ZNF536: variants seen among roughly 807,000 people sequenced by gnomAD.
ZNF536 encodes the protein zinc finger protein 536.
Under a neutral mutation model 84.5 loss-of-function variants are expected in ZNF536, and 13 were observed. The ratio of observed to expected loss-of-function variants is 0.15; its 90% CI spans 0.10 to 0.24. The LOEUF is 0.24. Among genes scored for constraint, ZNF536 ranks in the 10% least tolerant of loss-of-function variants. ZNF536 has a pLI of 1.00. For missense variants in ZNF536, 1,536 were observed against 1,747.5 expected (o/e 0.88, Z 2.16); for synonymous variants, 811 against 742.5 (o/e 1.09, Z -1.50).
intron 1 of ZNF536, among the ~76,000 whole-genome samples, chr19:30,680,791 T>C (rs2050938595): frequency 6.6e-6 from 1 of 152,136 alleles, no homozygotes; most frequent in Admixed American, 6.5e-5. Context: ...CTGGGTCAAA[T>C]GGTATTTCTA....
chr19:30,683,709 AG>A (rs1272045072), intron 1 of ZNF536, among the ~76,000 whole-genome samples: 1 of 152,248 alleles, frequency 6.6e-6, no homozygotes, highest in Non-Finnish European at 1.5e-5. Context: ...CAGGAACCAA[AG>A]AAGCGTGTGG....
At chr19:30,579,666 G>A (rs1169751061) in intron 1 of ZNF536, among the ~76,000 whole-genome samples, 1 of 152,190 alleles carries the variant, frequency 6.6e-6, no homozygotes, top group African/African-American at 2.4e-5. Context: ...GGATGAAGGA[G>A]GCATGAGCCT....
chr19:30,237,695 A>G (rs2023638705), intron 1 of ZNF536, among the ~76,000 whole-genome samples: 2 of 151,746 alleles, frequency 1.3e-5, no homozygotes. Context: ...CTTTGTGTGC[A>G]TTTTGTTTGC....
intron 1 of ZNF536, among the ~76,000 whole-genome samples, chr19:30,373,065 A>G (rs2048672066): frequency 6.6e-6 from 1 of 152,224 alleles, no homozygotes; most frequent in South Asian, 2.1e-4. Context: ...CATCGGGATC[A>G]CCATGCTGAT....
intron 4 of ZNF536, among the ~76,000 whole-genome samples, chr19:30,551,337 C>T (rs1045052290): frequency 6.6e-6 from 1 of 152,142 alleles, no homozygotes; most frequent in Non-Finnish European, 1.5e-5. Flanking sequence ...GAAGTTTGCC[C>T]AGTGGTATCC....
At chr19:30,623,754 T>C (rs2048573387) in intron 1 of ZNF536, among the ~76,000 whole-genome samples, 1 of 152,328 alleles carries the variant, frequency 6.6e-6, no homozygotes, top group African/African-American at 2.4e-5. Flanking sequence ...GCTTAGTTTG[T>C]CTCCAGGCCT....
intron 2 of ZNF536, among the ~76,000 whole-genome samples, chr19:30,522,854 A>G (rs4805574): frequency 0.12 from 17,536 of 152,202 alleles, 1,261 homozygotes; most frequent in East Asian, 0.3. Flanking sequence ...ATTTGTGTTT[A>G]TACATGCACA....
At chr19:30,473,632 A>G (rs1375083358) in intron 2 of ZNF536, among the ~76,000 whole-genome samples, 1 of 152,164 alleles carries the variant, frequency 6.6e-6, no homozygotes, top group Non-Finnish European at 1.5e-5. Context: ...TTACACATGC[A>G]ATTTGTTCAC....
intron 1 of ZNF536, among the ~76,000 whole-genome samples, chr19:30,415,761 C>T (rs2147777900): frequency 1.3e-5 from 2 of 152,234 alleles, no homozygotes; most frequent in East Asian, 3.9e-4. Context: ...CAGGTGCCCA[C>T]CACCGTGCCC....
intron 1 of ZNF536, among the ~76,000 whole-genome samples, chr19:30,406,164 T>G (rs781588897): frequency 6.6e-6 from 1 of 152,220 alleles, no homozygotes; most frequent in Non-Finnish European, 1.5e-5. Flanking sequence ...CATTGTTCCA[T>G]GTGCAGGGCA....
chr19:30,629,147 G>T (rs1342061119), intron 1 of ZNF536, among the ~76,000 whole-genome samples: 7 of 152,190 alleles, frequency 4.6e-5, no homozygotes, highest in Non-Finnish European at 7.3e-5. Flanking sequence ...ATCACTGAAG[G>T]CTTGCTCAGT....
At chr19:30,413,328 C>A (rs1345301419) in intron 1 of ZNF536, among the ~76,000 whole-genome samples, 1 of 152,140 alleles carries the variant, frequency 6.6e-6, no homozygotes, top group Non-Finnish European at 1.5e-5. Flanking sequence ...GTTTTCAATT[C>A]TTTTCACTTT....
chr19:30,430,551 A>T (rs1402600893), intron 1 of ZNF536, among the ~76,000 whole-genome samples: 1 of 152,220 alleles, frequency 6.6e-6, no homozygotes, highest in Non-Finnish European at 1.5e-5. Context: ...CATATCAGGG[A>T]GGGCTTCCTG....
At chr19:30,518,264 C>T (rs73024814) in intron 2 of ZNF536, among the ~76,000 whole-genome samples, 14,784 of 152,178 alleles carry the variant, frequency 0.097, 991 homozygotes, top group Non-Finnish European at 0.15. Flanking sequence ...CAAGCACTTA[C>T]GAAGGGTAGC....
intron 1 of ZNF536, among the ~76,000 whole-genome samples, chr19:30,568,720 C>G (rs990277046): frequency 6.6e-6 from 1 of 152,216 alleles, no homozygotes; most frequent in African/African-American, 2.4e-5. Context: ...CCCAGCCATG[C>G]TCTGGGGCAG....
intron 3 of ZNF536, among the ~76,000 whole-genome samples, chr19:30,536,523 T>C (rs903721660): frequency 3.3e-5 from 5 of 152,206 alleles, no homozygotes; most frequent in African/African-American, 1.2e-4. Context: ...ATCTTTTGAA[T>C]TGCTGTCATT....
At chr19:30,677,999 T>C (rs1323506884) in intron 1 of ZNF536, among the ~76,000 whole-genome samples, 2 of 152,216 alleles carry the variant, frequency 1.3e-5, no homozygotes, top group African/African-American at 2.4e-5. Flanking sequence ...GTTTAGAGAC[T>C]TCTTCTGGCC....
chr19:30,410,752 A>G (rs906103904), intron 1 of ZNF536, among the ~76,000 whole-genome samples: 5 of 152,176 alleles, frequency 3.3e-5, no homozygotes, highest in Admixed American at 6.5e-5. Context: ...TGCTGGGATT[A>G]CAGGCGTGAG....
Position 30,449,066 on chromosome 19 carries a change from G to A in ZNF536, c.2170+3334G>A, listed in dbSNP as rs561956144. Among the ~76,000 whole-genome samples the A allele has an allele frequency of 1.1e-4, 16 of 152,280 alleles. No individual in the cohort carries two copies. In the East Asian group the frequency reaches 2.9e-3, roughly 28 times the overall value. Reference sequence around the variant, plus strand: ...CTGAGAACCAAGCTTAAGATCAACTGCGAAAACTAGGACCTCTGACAAATT... The same window carrying A: ...CTGAGAACCAAGCTTAAGATCAACTACGAAAACTAGGACCTCTGACAAATT... On this transcript the variant is annotated intron_variant, in intron 2 of 4. Transcript: ENST00000355537.
Sources: allele counts gnomAD v4.1 joint callset (sites outside exome capture counted in the v4.1 genomes callset), GRCh38; gene constraint gnomAD v4.1.1; transcripts MANE v1.5; gene names NCBI Gene and HGNC (gene_info 2026-07-23, HGNC 2026-07-21).